Variants in ZNF804B observed in about 807,000 individuals in gnomAD.
ZNF804B encodes the protein zinc finger 804B.
In ZNF804B, 80 loss-of-function variants were observed where a neutral mutation model predicts 101.4. The ratio of observed to expected loss-of-function variants is 0.79; its 90% CI spans 0.66 to 0.95. The LOEUF is 0.95. Ranked by LOEUF, ZNF804B falls within the 40% of genes least tolerant of loss-of-function variation. The pLI is 0.00. For synonymous variants in ZNF804B, 622 were observed against 558.8 expected, an observed-to-expected ratio of 1.11 and a Z score of -1.59; for missense variants, 1,673 against 1,561.9, an observed-to-expected ratio of 1.07 and a Z score of -1.20.
intron 1 of ZNF804B, among the ~76,000 whole-genome samples, chr7:89,041,125 C>A (rs779310219): frequency 2.0e-5 from 3 of 152,114 alleles, no homozygotes; most frequent in Non-Finnish European, 2.9e-5. Flanking sequence ...TGGCCTGAAG[C>A]ATGGGTCCAT....
intron 1 of ZNF804B, among the ~76,000 whole-genome samples, chr7:88,863,828 G>C (rs1791685839): frequency 6.6e-6 from 1 of 152,186 alleles, no homozygotes; most frequent in Non-Finnish European, 1.5e-5. Context: ...AAACAAGCAT[G>C]GCAGTTGGAA....
intron 1 of ZNF804B, among the ~76,000 whole-genome samples, chr7:89,131,617 T>A (rs972071881): frequency 2.0e-5 from 3 of 152,020 alleles, no homozygotes; most frequent in Admixed American, 6.6e-5. Flanking sequence ...TGGGACATTT[T>A]AAGGAAAATG....
rs111404312 is a variant in ZNF804B, at chr7:89,191,056, C to G, written c.109-27099C>G. ...ACTGAACCAATGATATCTCCGAGTTCTGCCTGTGTTGCATTTTCTTCATAC... is the reference window on the plus strand; with the variant it reads ...ACTGAACCAATGATATCTCCGAGTTGTGCCTGTGTTGCATTTTCTTCATAC... On this transcript the variant is annotated intron_variant, in intron 1 of 3. Transcript: ENST00000333190. 7.2e-3 allele frequency among the ~76,000 whole-genome samples: 1,098 copies of G among 152,202 alleles called. 12 individuals are homozygous for G. The highest frequency in any genetic ancestry group is 0.025 in the African/African-American group (1,032 of 41,554).
rs533809097 is a variant in ZNF804B, at chr7:88,874,264, T to C, written c.108+114180T>C. Among the ~76,000 whole-genome samples the C allele has an allele frequency of 3.3e-3, 498 of 151,044 alleles. 2 individuals are homozygous for C. Among genetic ancestry groups the C allele is most frequent in the East Asian group, 0.013 (69 of 5,184 alleles). ...ATGGGAGTTCACTCATGATTTGGCT[T>C]TCTGTTTGTCTGTTGTTGGTGTATA... is the stretch of plus-strand genomic sequence containing the variant. On this transcript the variant is annotated intron_variant, in intron 1 of 3. Coordinates refer to ENST00000333190, the MANE Select transcript of ZNF804B (RefSeq NM_181646.5).
intron 1 of ZNF804B, among the ~76,000 whole-genome samples, chr7:88,933,796 A>G (rs991117835): frequency 6.6e-6 from 1 of 152,050 alleles, no homozygotes; most frequent in African/African-American, 2.4e-5. Context: ...TCCCATTCTC[A>G]TGGATGAGTA....
intron 2 of ZNF804B, among the ~76,000 whole-genome samples, chr7:89,317,447 C>T (rs941974007): frequency 5.3e-5 from 8 of 152,112 alleles, no homozygotes; most frequent in Non-Finnish European, 1.2e-4. Flanking sequence ...TGACTAAATG[C>T]GAAGCAAAGA....
At chr7:88,816,147 G>A (rs117356224) in intron 1 of ZNF804B, among the ~76,000 whole-genome samples, 2,953 of 152,016 alleles carry the variant, frequency 0.019, 37 homozygotes, top group Non-Finnish European at 0.028. Flanking sequence ...CTCAGACTCC[G>A]TTACCCCATG....
chr7:89,244,940 A>G (rs1363789608), intron 2 of ZNF804B, among the ~76,000 whole-genome samples: 1 of 152,172 alleles, frequency 6.6e-6, no homozygotes, highest in Non-Finnish European at 1.5e-5. Flanking sequence ...GTGTCAGGCA[A>G]CTTACACTGG....
chr7:88,895,910 C>T (rs1199906083), intron 1 of ZNF804B, among the ~76,000 whole-genome samples: 1 of 152,108 alleles, frequency 6.6e-6, no homozygotes, highest in Non-Finnish European at 1.5e-5. Flanking sequence ...AGTTTTCATG[C>T]AGAAGAACAC....
intron 2 of ZNF804B, among the ~76,000 whole-genome samples, chr7:89,218,946 A>G (rs10234114): frequency 0.71 from 108,591 of 151,896 alleles, 39,532 homozygotes; most frequent in African/African-American, 0.78. Context: ...GGCAGAGGTC[A>G]AAGAAAATCC....
At chr7:89,143,661 T>C (rs1790748417) in intron 1 of ZNF804B, among the ~76,000 whole-genome samples, 1 of 152,046 alleles carries the variant, frequency 6.6e-6, no homozygotes, top group East Asian at 1.9e-4. Context: ...ATAAATTTGA[T>C]GTTTGTTCTT....
At chr7:88,942,191 A>T (rs1429886114) in intron 1 of ZNF804B, among the ~76,000 whole-genome samples, 2 of 151,948 alleles carry the variant, frequency 1.3e-5, no homozygotes, top group African/African-American at 4.8e-5. Context: ...GTATAAAAAA[A>T]TCCCCAAATT....
intron 2 of ZNF804B, among the ~76,000 whole-genome samples, chr7:89,282,347 A>G (rs1404354370): frequency 6.6e-6 from 1 of 152,154 alleles, no homozygotes; most frequent in East Asian, 1.9e-4. Flanking sequence ...TATCATCAAC[A>G]CAGAGAGGCT....
In ZNF804B at chr7:88,899,050, G is replaced by A. The variant is rs114154280; in HGVS notation, c.108+138966G>A. Among the ~76,000 whole-genome samples, 1,049 of 152,194 alleles carry A rather than the reference G, an allele frequency of 6.9e-3. 15 individuals are homozygous for A. Among genetic ancestry groups the A allele is most frequent in the African/African-American group, 0.022 (898 of 41,520 alleles). ...CACATCCCCATCCCCAATTTTTGGTGAGTTCCATTTTAGAGCCCTTTCCTT... is the reference window on the plus strand; with the variant it reads ...CACATCCCCATCCCCAATTTTTGGTAAGTTCCATTTTAGAGCCCTTTCCTT... On this transcript the variant is annotated intron_variant, in intron 1 of 3. Coordinates refer to ENST00000333190, the MANE Select transcript of ZNF804B (RefSeq NM_181646.5).
At chr7:88,860,603 G>C (rs1791631037) in intron 1 of ZNF804B, among the ~76,000 whole-genome samples, 1 of 152,042 alleles carries the variant, frequency 6.6e-6, no homozygotes, top group African/African-American at 2.4e-5. Flanking sequence ...ATGAGAATCT[G>C]AGTTTCATAT....
chr7:88,998,435 A>G (rs1788230570), intron 1 of ZNF804B, among the ~76,000 whole-genome samples: 1 of 152,096 alleles, frequency 6.6e-6, no homozygotes, highest in African/African-American at 2.4e-5. Context: ...TGCAAATGAA[A>G]GAAGATTCCA....
chr7:89,196,023 C>T (rs572466973), intron 1 of ZNF804B, among the ~76,000 whole-genome samples: 28 of 151,922 alleles, frequency 1.8e-4, no homozygotes, highest in South Asian at 1.0e-3. Context: ...AAACTACCAT[C>T]GACATTCTTC....
chr7:88,839,271 G>T (rs1350153792), intron 1 of ZNF804B, among the ~76,000 whole-genome samples: 1 of 151,954 alleles, frequency 6.6e-6, no homozygotes, highest in Non-Finnish European at 1.5e-5. Flanking sequence ...AAGCTGCTAA[G>T]TTGTCCACAT....
intron 1 of ZNF804B, among the ~76,000 whole-genome samples, chr7:89,184,469 A>G (rs934333805): frequency 6.7e-6 from 1 of 150,138 alleles, no homozygotes; most frequent in African/African-American, 2.4e-5. Flanking sequence ...AGTATTTATG[A>G]TAGCGTAAGT....
Sources: gnomAD v4.1 joint callset for allele counts (sites outside exome capture counted in the v4.1 genomes callset) on GRCh38, gnomAD v4.1.1 for gene constraint, MANE v1.5 for transcripts, NCBI Gene and HGNC (gene_info 2026-07-23, HGNC 2026-07-21) for gene names.